The following NAALADL2 variants were observed in gnomAD, a reference collection of about 807,000 sequenced individuals.
NAALADL2 encodes inactive N-acetylated-alpha-linked acidic dipeptidase-like protein 2.
In NAALADL2, 76 loss-of-function variants were observed where a neutral mutation model predicts 87.2. The observed-to-expected ratio is 0.87, with a 90% CI of 0.72 to 1.05. NAALADL2 has a LOEUF of 1.05. Among genes scored for constraint, NAALADL2 ranks in the 50% least tolerant of loss-of-function variants. The pLI, the probability that NAALADL2 is intolerant of heterozygous loss-of-function variation, is 0.00. For synonymous variants in NAALADL2, 354 were observed against 331.0 expected (o/e 1.07, Z -0.75); for missense variants, 1,089 against 945.8 (o/e 1.15, Z -1.99).
chr3:174,524,578 T>G (rs1578082813), intron 1 of NAALADL2, among the ~76,000 whole-genome samples: 1 of 152,258 alleles, frequency 6.6e-6, no homozygotes, highest in East Asian at 1.9e-4. Context: ...AGAGTCCGGC[T>G]CTGTTGTTCA....
At chr3:174,654,486 C>T (rs1387140199) in intron 2 of NAALADL2, among the ~76,000 whole-genome samples, 1 of 151,968 alleles carries the variant, frequency 6.6e-6, no homozygotes, top group Non-Finnish European at 1.5e-5. Flanking sequence ...AATTATCCCA[C>T]AAAAATAATT....
At chr3:174,976,915 G>A (rs532576514) in intron 1 of NAALADL2, among the ~76,000 whole-genome samples, 17 of 152,288 alleles carry the variant, frequency 1.1e-4, no homozygotes, top group African/African-American at 2.6e-4. Context: ...TATTGCTTCC[G>A]TATGTTTGGA....
intron 11 of NAALADL2, chr3:175,676,637 T>C (rs548066249): frequency 2.0e-5 from 3 of 148,978 alleles, no homozygotes; most frequent in Non-Finnish European, 4.4e-5. Context: ...GTGCTCTTGA[T>C]TAAAAAAAAA....
intron 2 of NAALADL2, among the ~76,000 whole-genome samples, chr3:174,723,320 C>T (rs1319839326): frequency 2.0e-5 from 3 of 152,144 alleles, no homozygotes; most frequent in Admixed American, 2.0e-4. Context: ...CTAAATATTT[C>T]ATGAGACTAT....
At chr3:174,662,752 T>C (rs1466823928) in intron 2 of NAALADL2, among the ~76,000 whole-genome samples, 3 of 152,218 alleles carry the variant, frequency 2.0e-5, no homozygotes, top group African/African-American at 7.2e-5. Context: ...TTGAATTACT[T>C]GCTGTGGTGC....
chr3:174,830,233 G>T lies in NAALADL2; in HGVS notation c.-9+92487G>T, dbSNP rs572697295. Among the ~76,000 whole-genome samples, 136 of 140,876 alleles carry T rather than the reference G, an allele frequency of 9.7e-4. 2 individuals are homozygous for T. The highest frequency in any genetic ancestry group is 1.6e-3 in the Non-Finnish European group (105 of 65,432). 92.4% of individuals were successfully genotyped at this position (140,876 alleles called of 152,430 possible). On this transcript the variant is annotated intron_variant, in intron 3 of 3. Transcript: ENST00000434257. ...TGGTAATGCCTAGGTTTTCTTCTAG[G>T]GTTTTTATGGTTTTAGGTCTAACGT...
At chr3:174,996,394 G>C (rs1024869949) in intron 1 of NAALADL2, among the ~76,000 whole-genome samples, 1 of 151,882 alleles carries the variant, frequency 6.6e-6, no homozygotes, top group African/African-American at 2.4e-5. Context: ...CTACTCGGGA[G>C]GCTGAGGCAG....
chr3:175,143,245 G>A (rs6792698), intron 2 of NAALADL2, among the ~76,000 whole-genome samples: 48,577 of 151,688 alleles, frequency 0.32, 8,207 homozygotes, highest in African/African-American at 0.44. Flanking sequence ...CAGTTCGTTC[G>A]CAATATATTT....
intron 2 of NAALADL2, among the ~76,000 whole-genome samples, chr3:174,594,958 G>C (rs1717734996): frequency 6.6e-6 from 1 of 152,174 alleles, no homozygotes; most frequent in Admixed American, 6.5e-5. Context: ...GGAGTCCAGA[G>C]TAAGTAAACT....
intron 1 of NAALADL2, among the ~76,000 whole-genome samples, chr3:175,032,175 C>T (rs7640404): frequency 0.13 from 20,233 of 151,758 alleles, 1,514 homozygotes; most frequent in East Asian, 0.25. Flanking sequence ...TAGTTAGTTA[C>T]AAATCATTTC....
At chr3:175,736,645 T>C (rs1031888536) in intron 11 of NAALADL2, among the ~76,000 whole-genome samples, 2 of 152,202 alleles carry the variant, frequency 1.3e-5, no homozygotes, top group Non-Finnish European at 2.9e-5. Context: ...TGCAAGACAA[T>C]TGGCAAAACT....
intron 9 of NAALADL2, among the ~76,000 whole-genome samples, chr3:175,570,070 A>G (rs868492300): frequency 6.6e-6 from 1 of 152,202 alleles, no homozygotes; most frequent in Non-Finnish European, 1.5e-5. Flanking sequence ...AGGTCTGAGC[A>G]CCAGGAAAGC....
intron 2 of NAALADL2, among the ~76,000 whole-genome samples, chr3:174,648,349 A>AC (rs1724015423): frequency 6.6e-6 from 1 of 151,946 alleles, no homozygotes; most frequent in Non-Finnish European, 1.5e-5. Context: ...GAAAAAAAAA[A>AC]AAACAAACCT....
At chr3:174,980,081 C>T (rs529944790) in intron 1 of NAALADL2, among the ~76,000 whole-genome samples, 1 of 152,296 alleles carries the variant, frequency 6.6e-6, no homozygotes, top group Non-Finnish European at 1.5e-5. Flanking sequence ...CTCACCTTTT[C>T]ACCTCTTTCT....
chr3:174,822,162 A>ACACG (rs10694431), intron 3 of NAALADL2, among the ~76,000 whole-genome samples: 14,937 of 151,830 alleles, frequency 0.098, 810 homozygotes, highest in Middle Eastern at 0.13. Flanking sequence ...TGACACAAAC[A>ACACG]CACACACAGG....
intron 1 of NAALADL2, among the ~76,000 whole-genome samples, chr3:174,533,121 T>TGGCCGGGCACGGTGGCTCACGCCTG (rs1553779340): frequency 6.8e-6 from 1 of 147,296 alleles, no homozygotes; most frequent in African/African-American, 2.5e-5. Flanking sequence ...AAAGCAAATG[T>TGGCCGGGCACGGTGGCTCACGCCTG]TTAGCCAACC....
intron 13 of NAALADL2, among the ~76,000 whole-genome samples, chr3:175,774,587 C>T: frequency 6.6e-6 from 1 of 151,720 alleles, no homozygotes; most frequent in Non-Finnish European, 1.5e-5. Context: ...AAAAATAATT[C>T]TAAATAATTT....
At chr3:175,320,315 G>A (rs115967231) in intron 4 of NAALADL2, among the ~76,000 whole-genome samples, 5 of 152,154 alleles carry the variant, frequency 3.3e-5, no homozygotes, top group African/African-American at 1.2e-4. Flanking sequence ...CTTATGTATT[G>A]TGTGCTTACC....
chr3:175,713,641 T>G (rs1392419293), intron 11 of NAALADL2, among the ~76,000 whole-genome samples: 1 of 152,200 alleles, frequency 6.6e-6, no homozygotes, highest in African/African-American at 2.4e-5. Context: ...TTTGACATTC[T>G]ATCATTCTAT....
Sources: gnomAD v4.1 joint callset for allele counts (sites outside exome capture counted in the v4.1 genomes callset) on GRCh38, gnomAD v4.1.1 for gene constraint, MANE v1.5 for transcripts, NCBI Gene and HGNC (gene_info 2026-07-23, HGNC 2026-07-21) for gene names.